NEXMIF: variants seen among roughly 807,000 people sequenced by gnomAD.
NEXMIF encodes the protein neurite extension and migration factor, also known as XLMR protein related to neurite extension.
Under a neutral mutation model 62.1 loss-of-function variants are expected in NEXMIF, and 8 were observed. That is an observed-to-expected ratio of 0.13 (90% CI 0.08 to 0.23). The LOEUF is 0.23. NEXMIF is among the 10% of genes least tolerant of loss of function. The probability of loss-of-function intolerance (pLI) is 1.00; values close to 1 mark genes in which losing one functional copy is unlikely to be tolerated. For missense variants in NEXMIF, 976 were observed against 1,113.3 expected (o/e 0.88, Z 1.75); for synonymous variants, 404 against 416.6 (o/e 0.97, Z 0.37).
intron 1 of NEXMIF, among the ~76,000 whole-genome samples, chrX:74,802,301 G>C (rs2080332155): frequency 9.0e-6 from 1 of 111,482 alleles, no homozygotes; most frequent in Admixed American, 9.5e-5. Flanking sequence ...CAGTCCTAGT[G>C]GTGGTGGTCA....
chrX:74,789,813 G>A (rs1189608449), intron 1 of NEXMIF, among the ~76,000 whole-genome samples: 1 of 108,058 alleles, frequency 9.3e-6, no homozygotes, highest in East Asian at 2.9e-4. Flanking sequence ...CCCACTTTTT[G>A]ATGGGGTTGT....
intron 1 of NEXMIF, among the ~76,000 whole-genome samples, chrX:74,833,645 C>T (rs1255818431): frequency 9.0e-6 from 1 of 110,975 alleles, no homozygotes; most frequent in African/African-American, 3.3e-5. Flanking sequence ...GTTTTGTGGT[C>T]TTCTCTTCCT....
chrX:74,905,713 G>A (rs1413665195), intron 1 of NEXMIF, among the ~76,000 whole-genome samples: 1 of 110,499 alleles, frequency 9.0e-6, no homozygotes, highest in Non-Finnish European at 1.9e-5. Context: ...GGGAGGTTGA[G>A]GAATGAGAAT....
intron 1 of NEXMIF, among the ~76,000 whole-genome samples, chrX:74,795,576 T>C (rs1390487185): frequency 8.9e-6 from 1 of 111,799 alleles, no homozygotes; most frequent in African/African-American, 3.3e-5. Context: ...AGAGGAATTT[T>C]GAGAGTGATG....
chrX:74,900,927 T>C (rs1036446618), intron 1 of NEXMIF, among the ~76,000 whole-genome samples: 8 of 112,124 alleles, frequency 7.1e-5, no homozygotes, highest in African/African-American at 2.6e-4. Flanking sequence ...TATGATTCCA[T>C]TTACATGAGG....
rs953155844 is a variant in NEXMIF, at chrX:74,925,216, A to G, written c.-381T>C. The G allele has an allele frequency of 2.9e-4, 34 of 117,834 alleles. No individual in the cohort carries two copies. Among genetic ancestry groups the G allele is most frequent in the East Asian group, 2.8e-4 (1 of 3,559 alleles). The allele number at this position is 117,834 out of a possible 1,213,427, so 9.7% of individuals were successfully genotyped here. A position where few individuals can be genotyped will look rare whatever the true frequency, so the allele number is the denominator to read the frequency against. On this transcript the variant is annotated 5_prime_UTR_variant, in exon 1 of 4. Coordinates refer to ENST00000055682, the MANE Select transcript of NEXMIF (RefSeq NM_001008537.3). Reference sequence around the variant, plus strand: ...TGCTCCAAGGGTCCGTGCTTCGCTTACACTGTCGCTCGCCCCGGCTGGAGC... The same window carrying G: ...TGCTCCAAGGGTCCGTGCTTCGCTTGCACTGTCGCTCGCCCCGGCTGGAGC...
In NEXMIF at chrX:74,808,495, C is replaced by A. The variant is rs1039576600; in HGVS notation, c.-47-62798G>T. ...AATCTTTTACTGAGGATTTCTACAT[C>A]TGTATTAATGAGAGATATTGGTATG... On this transcript the variant is annotated intron_variant, in intron 1 of 3. Transcript: ENST00000055682. Among the ~76,000 whole-genome samples, 3 of 112,083 alleles carry A rather than the reference C, an allele frequency of 2.7e-5. No homozygotes were observed. The East Asian group carries it at 8.4e-4, about 31-fold the overall frequency.
chrX:74,875,228 C>T (rs560618732), intron 1 of NEXMIF, among the ~76,000 whole-genome samples: 1 of 110,050 alleles, frequency 9.1e-6, no homozygotes, highest in Admixed American at 9.6e-5. Context: ...TGTCAAAGGC[C>T]TTTTCTGCAT....
At chrX:74,777,640 T>C (rs1448028256) in intron 1 of NEXMIF, among the ~76,000 whole-genome samples, 3 of 111,687 alleles carry the variant, frequency 2.7e-5, no homozygotes, top group African/African-American at 9.8e-5. Flanking sequence ...TCGTTTTCCA[T>C]GTAATTTCCC....
intron 1 of NEXMIF, among the ~76,000 whole-genome samples, chrX:74,763,928 C>G (rs2080186081): frequency 8.9e-6 from 1 of 111,807 alleles, no homozygotes; most frequent in Admixed American, 9.5e-5. Context: ...GACAATTTGA[C>G]TTCCTCTTTT....
intron 1 of NEXMIF, among the ~76,000 whole-genome samples, chrX:74,829,515 G>A (rs1219936117): frequency 8.9e-6 from 1 of 112,044 alleles, no homozygotes; most frequent in Non-Finnish European, 1.9e-5. Flanking sequence ...AACAAACGTG[G>A]GAGTGCAGAT....
chrX:74,781,488 G>T (rs2080246760), intron 1 of NEXMIF, among the ~76,000 whole-genome samples: 1 of 111,964 alleles, frequency 8.9e-6, no homozygotes, highest in Admixed American at 9.5e-5. Flanking sequence ...TTAGGTGTAT[G>T]TGAAGCCTTA....
intron 1 of NEXMIF, among the ~76,000 whole-genome samples, chrX:74,899,051 G>A (rs2080740980): frequency 9.0e-6 from 1 of 111,409 alleles, no homozygotes; most frequent in African/African-American, 3.3e-5. Context: ...AATACCACCA[G>A]AGAGACCTTA....
chrX:74,793,494 C>G (rs1228547103), intron 1 of NEXMIF, among the ~76,000 whole-genome samples: 1 of 110,795 alleles, frequency 9.0e-6, no homozygotes, highest in African/African-American at 3.3e-5. Context: ...GGGGTGTTCT[C>G]TGTATTTCCT....
chrX:74,907,679 T>C (rs1322812691), intron 1 of NEXMIF, among the ~76,000 whole-genome samples: 1 of 111,478 alleles, frequency 9.0e-6, no homozygotes, highest in Admixed American at 9.5e-5. Flanking sequence ...TGAGGCCAAA[T>C]GAAATAAAAT....
In NEXMIF at chrX:74,733,629, C is replaced by T. The variant is rs2080078147; in HGVS notation, c.*5776G>A. On this transcript the variant is annotated 3_prime_UTR_variant, in exon 4 of 4. Transcript: ENST00000055682. ...ACAATAACAAAACTCAGCTAGGTAA[C>T]ATTATGACAGTTTCACCGTACATTC... is the stretch of plus-strand genomic sequence containing the variant. 1 of 112,373 alleles carries T rather than the reference C, an allele frequency of 8.9e-6. No individual in the cohort carries two copies. The highest frequency in any genetic ancestry group is 3.2e-5 in the African/African-American group (1 of 30,887). The allele number at this position is 112,373 out of a possible 1,213,427, so 9.3% of individuals were successfully genotyped here.
chrX:74,875,237 A>G (rs1368452140), intron 1 of NEXMIF, among the ~76,000 whole-genome samples: 1 of 109,988 alleles, frequency 9.1e-6, no homozygotes, highest in Non-Finnish European at 1.9e-5. Flanking sequence ...CCTTTTCTGC[A>G]TCTATTGAGA....
At chrX:74,814,759 C>T (rs771949093) in intron 1 of NEXMIF, among the ~76,000 whole-genome samples, 1 of 112,151 alleles carries the variant, frequency 8.9e-6, no homozygotes, top group African/African-American at 3.2e-5. Flanking sequence ...TTTTTAACTC[C>T]CTGTTGGTTC....
At chrX:74,864,799 C>T (rs1186244791) in intron 1 of NEXMIF, among the ~76,000 whole-genome samples, 3 of 110,622 alleles carry the variant, frequency 2.7e-5, no homozygotes, top group African/African-American at 9.9e-5. Context: ...ACCTCAGCCT[C>T]CTGGGTTCAA....
Sources: allele counts gnomAD v4.1 joint callset (sites outside exome capture counted in the v4.1 genomes callset), GRCh38; gene constraint gnomAD v4.1.1; transcripts MANE v1.5; gene names NCBI Gene and HGNC (gene_info 2026-07-23, HGNC 2026-07-21).